Variants in SLC7A6 observed in about 807,000 individuals in gnomAD.
The protein encoded by SLC7A6 is Y+L amino acid transporter 2.
SLC7A6 carries 29 observed loss-of-function variants against 46.6 expected under a neutral mutation model. The observed-to-expected ratio is 0.62, with a 90% confidence interval of 0.46 to 0.85. The LOEUF (loss-of-function observed/expected upper bound fraction) is 0.85, where lower values mean the gene tolerates loss of function less well. Ranked by LOEUF, SLC7A6 falls within the 40% of genes least tolerant of loss-of-function variation. The pLI, the probability that SLC7A6 is intolerant of heterozygous loss-of-function variation, is 0.00. For missense variants in SLC7A6, 527 were observed against 647.6 expected (o/e 0.81, Z 2.02); for synonymous variants, 276 against 257.3 (o/e 1.07, Z -0.70).
chr16:68,266,166 A>T (rs2042529820), intron 1 of SLC7A6, among the ~76,000 whole-genome samples: 1 of 152,152 alleles, frequency 6.6e-6, no homozygotes. Flanking sequence ...AGGCTGAGGC[A>T]GGAGAATGGC....
intron 3 of SLC7A6, among the ~76,000 whole-genome samples, chr16:68,275,943 A>AAT (rs2042704445): frequency 6.7e-6 from 1 of 149,654 alleles, no homozygotes; most frequent in South Asian, 2.2e-4. Context: ...TCTGTTGCTA[A>AAT]AGGAAAAAAA....
chr16:68,289,545 A>G (rs2043006108), intron 4 of SLC7A6, among the ~76,000 whole-genome samples: 1 of 152,256 alleles, frequency 6.6e-6, no homozygotes, highest in Non-Finnish European at 1.5e-5. Context: ...CTCTTGCTGC[A>G]TAGCCAGCTC....
Position 68,300,865 on chromosome 16 carries a change from G to A in SLC7A6, c.*3537G>A. ...TTTAGATTCTATCAAAAGGAACAGG[G>A]TTTTCCTAGAGGCAGGCAGCCTGGT... On this transcript the variant is annotated 3_prime_UTR_variant, in exon 11 of 11. Coordinates refer to ENST00000219343, the MANE Select transcript of SLC7A6 (RefSeq NM_003983.6). 1 of 989,234 alleles carries A rather than the reference G, an allele frequency of 1.0e-6. No homozygotes were observed. Among genetic ancestry groups the A allele is most frequent in the Non-Finnish European group, 1.2e-6 (1 of 832,570 alleles). 61.3% of individuals were successfully genotyped at this position (989,234 alleles called of 1,614,324 possible).
At position 68,298,938 on chromosome 16, in the gene SLC7A6, T is replaced by C. The variant is rs2043221089; in HGVS notation, c.*1610T>C. On this transcript the variant is annotated 3_prime_UTR_variant, in exon 11 of 11. Transcript: ENST00000219343. ...GTGAGGCAGTCTCCCTTCCTGACCA[T>C]TCTTCTCCACCCAGTCACAGATAAG... 1.3e-5 allele frequency: 2 copies of C among 152,658 alleles called. No homozygotes were observed. Among genetic ancestry groups the C allele is most frequent in the South Asian group, 4.1e-4 (2 of 4,832 alleles). The allele number at this position is 152,658 out of a possible 1,614,324, so 9.5% of individuals were successfully genotyped here.
Position 68,287,767 on chromosome 16 carries a change from G to A in SLC7A6, c.545G>A (p.Cys182Tyr), listed in dbSNP as rs1242125159. ...ACICLLTFVN[C>Y]AYVKWGTRVQ... ...CTAGGTCTGCTGACATTTGTGAACT[G>A]TGCCTATGTCAAGTGGGGCACACGT... The change falls in exon 4 of 11, where the codon TGT (cysteine) becomes TAT (tyrosine). Residue 182 changes from cysteine to tyrosine, a missense_variant. Coordinates refer to ENST00000219343, the MANE Select transcript of SLC7A6 (RefSeq NM_003983.6). 2 of 1,614,122 alleles carry A rather than the reference G, an allele frequency of 1.2e-6. No individual in the cohort carries two copies. The highest frequency in any genetic ancestry group is 1.3e-5 in the African/African-American group (1 of 75,066).
At position 68,297,338 on chromosome 16, in the gene SLC7A6, G is replaced by GTGGCT; in HGVS notation, c.*12_*16dup. ...GAGGAAAACTGACTAGAGGTCAGAG[G>GTGGCT]TGGCTTTCTGAGGCCTGGAAGGCAG... On this transcript the variant is annotated 3_prime_UTR_variant, in exon 11 of 11. Transcript: ENST00000219343. 1 of 1,613,204 alleles carries GTGGCT rather than the reference G, an allele frequency of 6.2e-7. No homozygotes were observed. The highest frequency in any genetic ancestry group is 8.5e-7 in the Non-Finnish European group (1 of 1,179,396).
rs1007272786 is a variant in SLC7A6 at position 68,299,621 on chromosome 16, T to C, written c.*2293T>C. Reference sequence around the variant, plus strand: ...TTATTAAGTTGTCAGCCCTTTAATATTGGGGAAACTTAATGAGTATAAATA... The same window carrying C: ...TTATTAAGTTGTCAGCCCTTTAATACTGGGGAAACTTAATGAGTATAAATA... On this transcript the variant is annotated 3_prime_UTR_variant, in exon 11 of 11. Coordinates refer to ENST00000219343, the MANE Select transcript of SLC7A6 (RefSeq NM_003983.6). 16 of 152,208 alleles carry C rather than the reference T, an allele frequency of 1.1e-4. No homozygotes were observed. The highest frequency in any genetic ancestry group is 2.9e-4 in the African/African-American group (12 of 41,454). The allele number at this position is 152,208 out of a possible 1,614,324, so 9.4% of individuals were successfully genotyped here.
rs565718377 is a variant in SLC7A6, at chr16:68,297,083, G to A, written c.1454-151G>A. 5.3e-5 allele frequency: 39 copies of A among 732,398 alleles called. No individual in the cohort carries two copies. The East Asian group carries it at 7.8e-4, about 15-fold the overall frequency. The allele number at this position is 732,398 out of a possible 1,614,324, so 45.4% of individuals were successfully genotyped here. On this transcript the variant is annotated intron_variant, in intron 10 of 10. Coordinates refer to ENST00000219343, the MANE Select transcript of SLC7A6 (RefSeq NM_003983.6). ...GGTTGGGCATGGGACAGAGGATGAT[G>A]AGGCTTGTTGGGAGACAGGGGCAAA... is the stretch of plus-strand genomic sequence containing the variant.
chr16:68,265,683 C>T (rs1224485801), intron 1 of SLC7A6: 1 of 152,098 alleles, frequency 6.6e-6, no homozygotes, highest in Non-Finnish European at 1.5e-5. Context: ...TTACTCAGGT[C>T]CCATGTGTGC....
chr16:68,271,926 T>C (rs1016641588), intron 2 of SLC7A6, among the ~76,000 whole-genome samples: 3 of 151,998 alleles, frequency 2.0e-5, no homozygotes, highest in African/African-American at 7.2e-5. Flanking sequence ...CTCAGCCTCC[T>C]GAGTAGCTGG....
In SLC7A6 at chr16:68,294,781, A is replaced by G. The variant is rs139848493; in HGVS notation, c.1099A>G (p.Ile367Val). 8 of 1,613,674 alleles carry G rather than the reference A, an allele frequency of 5.0e-6. No individual in the cohort carries two copies. The African/African-American group carries it at 9.3e-5, about 19-fold the overall frequency. The change falls in exon 8 of 11, where the codon ATC becomes GTC. Residue 367 changes from isoleucine (I) to valine (V), a missense_variant. By Grantham distance (29) the Ile-to-Val change is conservative. Coordinates refer to ENST00000219343, the MANE Select transcript of SLC7A6 (RefSeq NM_003983.6). ...SMIHIERFTP[I>V]PALLFNCTMA... The stretch of plus-strand genomic sequence containing the variant: ...GATCCACATTGAGCGTTTTACACCT[A>G]TCCCTGCTTTACTGTTCAATGTAAG...
intron 7 of SLC7A6, chr16:68,292,729 A>G (rs185678869): frequency 6.8e-4 from 103 of 152,228 alleles, no homozygotes; most frequent in African/African-American, 2.4e-3. Context: ...CCCATCTGTT[A>G]AGAGTTTGGC....
Position 68,290,640 on chromosome 16 carries a change from C to T in SLC7A6, c.794+100C>T, listed in dbSNP as rs2043030568. 16 of 1,321,268 alleles carry T rather than the reference C, an allele frequency of 1.2e-5. No individual in the cohort carries two copies. The South Asian group carries it at 1.7e-4, about 14-fold the overall frequency. 81.8% of individuals were successfully genotyped at this position (1,321,268 alleles called of 1,614,324 possible). A position where few individuals can be genotyped will look rare whatever the true frequency, so the allele number is the denominator to read the frequency against. ...CCTTCTCCTCCTCCCTCCGACTCTCCTCCCCTCTTCTCCCTACTCCCCCTT... is the reference window on the plus strand; with the variant it reads ...CCTTCTCCTCCTCCCTCCGACTCTCTTCCCCTCTTCTCCCTACTCCCCCTT... On this transcript the variant is annotated intron_variant, in intron 5 of 10. Coordinates refer to ENST00000219343, the MANE Select transcript of SLC7A6 (RefSeq NM_003983.6).
intron 3 of SLC7A6, 133 bp from the exon 4 acceptor site, chr16:68,287,613 G>C: frequency 1.3e-6 from 2 of 1,519,608 alleles, no homozygotes; most frequent in Non-Finnish European, 1.8e-6. Flanking sequence ...TTGCCAGTTC[G>C]CCTTGTTCTG....
Position 68,275,211 on chromosome 16 carries a change from C to A in SLC7A6, c.485C>A (p.Pro162Gln). Residue 162 changes from proline to glutamine, a missense_variant, in exon 3 of 11, where the codon CCA becomes CAA. Physicochemically the swap from Pro to Gln is moderately conservative, Grantham distance 76. Coordinates refer to ENST00000219343, the MANE Select transcript of SLC7A6 (RefSeq NM_003983.6). ...IQPSFPSCDP[P>Q]YLACRLLAAA... Reference sequence around the variant, plus strand: ...CCGTCCTTCCCCAGCTGTGATCCCCCATACCTGGCCTGCCGTCTCCTGGCT... The same window carrying A: ...CCGTCCTTCCCCAGCTGTGATCCCCAATACCTGGCCTGCCGTCTCCTGGCT... 1 of 1,613,608 alleles carries A rather than the reference C, an allele frequency of 6.2e-7. No individual in the cohort carries two copies. The highest frequency in any genetic ancestry group is 8.5e-7 in the Non-Finnish European group (1 of 1,179,792).
intron 3 of SLC7A6, among the ~76,000 whole-genome samples, chr16:68,279,515 A>G (rs1401971709): frequency 6.6e-6 from 1 of 152,114 alleles, no homozygotes; most frequent in African/African-American, 2.4e-5. Context: ...TTGGGGAGTT[A>G]ACTAATTGCT....
chr16:68,280,472 A>G (rs890623364), intron 3 of SLC7A6, among the ~76,000 whole-genome samples: 1 of 152,244 alleles, frequency 6.6e-6, no homozygotes, highest in Non-Finnish European at 1.5e-5. Flanking sequence ...ATTAGTTGCC[A>G]ACATTTGAAA....
Position 68,299,314 on chromosome 16 carries a change from C to G in SLC7A6, c.*1986C>G, listed in dbSNP as rs962739845. ...CTAATCCCAGGAATTTGCTGCCCCC[C>G]ACCAGTGGCTTCTAGGGAAAGCAAG... is the stretch of plus-strand genomic sequence containing the variant. On this transcript the variant is annotated 3_prime_UTR_variant, in exon 11 of 11. Coordinates refer to ENST00000219343, the MANE Select transcript of SLC7A6 (RefSeq NM_003983.6). 1.1e-4 allele frequency: 17 copies of G among 152,780 alleles called. No individual in the cohort carries two copies. Among genetic ancestry groups the G allele is most frequent in the African/African-American group, 2.9e-4 (12 of 41,582 alleles). 9.5% of individuals were successfully genotyped at this position (152,780 alleles called of 1,614,324 possible). A position where few individuals can be genotyped will look rare whatever the true frequency, so the allele number is the denominator to read the frequency against.
intron 7 of SLC7A6, chr16:68,292,406 T>G (rs1430734310): frequency 6.6e-6 from 1 of 152,282 alleles, no homozygotes; most frequent in Admixed American, 6.5e-5. Flanking sequence ...GCCCTTCTCT[T>G]TGGTGGGTGC....
Sources: allele counts gnomAD v4.1 joint callset (sites outside exome capture counted in the v4.1 genomes callset), GRCh38; gene constraint gnomAD v4.1.1; transcripts MANE v1.5; gene names NCBI Gene and HGNC (gene_info 2026-07-23, HGNC 2026-07-21).